Variants in HMBOX1 observed in about 807,000 individuals in gnomAD.
The protein encoded by HMBOX1 is homeobox containing 1.
In HMBOX1, 14 loss-of-function variants were observed where a neutral mutation model predicts 54.5. The observed-to-expected ratio is 0.26, with a 90% confidence interval of 0.17 to 0.40. The LOEUF (loss-of-function observed/expected upper bound fraction) is 0.40, where lower values mean the gene tolerates loss of function less well. Ranked by LOEUF, HMBOX1 falls within the 10% of genes least tolerant of loss-of-function variation. The probability of loss-of-function intolerance (pLI) is 1.00; values close to 1 mark genes in which losing one functional copy is unlikely to be tolerated. For synonymous variants in HMBOX1, 160 were observed against 181.0 expected (o/e 0.88, Z 0.93); for missense variants, 332 against 514.4 (o/e 0.65, Z 3.43).
chr8:29,051,445 C>A lies in HMBOX1; in HGVS notation c.*290C>A. 1 of 683,456 alleles carries A rather than the reference C, an allele frequency of 1.5e-6. No homozygotes were observed. Among genetic ancestry groups the A allele is most frequent in the Non-Finnish European group, 2.7e-6 (1 of 370,216 alleles). 42.3% of individuals were successfully genotyped at this position (683,456 alleles called of 1,614,324 possible). On this transcript the variant is annotated 3_prime_UTR_variant, in exon 10 of 10. Transcript: ENST00000287701. ...GTCTTAGCATTCCAAGAAAGTGCTT[C>A]CAGGTATTTAGATAGCCCTCAGTTC... is the stretch of plus-strand genomic sequence containing the variant.
At chr8:29,026,146 T>A (rs1801998473) in intron 6 of HMBOX1, among the ~76,000 whole-genome samples, 1 of 152,100 alleles carries the variant, frequency 6.6e-6, no homozygotes, top group South Asian at 2.1e-4. Flanking sequence ...AGCGTGTGTC[T>A]TGGTGCATCA....
chr8:28,979,765 A>G (rs553860744), intron 3 of HMBOX1, among the ~76,000 whole-genome samples: 2 of 152,302 alleles, frequency 1.3e-5, no homozygotes, highest in East Asian at 3.9e-4. Context: ...TGTATATACC[A>G]TATGACAGCC....
chr8:29,023,425 C>T (rs1001996356), intron 6 of HMBOX1, among the ~76,000 whole-genome samples: 3 of 152,056 alleles, frequency 2.0e-5, no homozygotes, highest in Non-Finnish European at 4.4e-5. Context: ...CTTTTTGAGA[C>T]AGGGTCTTGC....
At chr8:28,932,092 A>T (rs1819568981) in intron 1 of HMBOX1, among the ~76,000 whole-genome samples, 2 of 152,214 alleles carry the variant, frequency 1.3e-5, no homozygotes, top group South Asian at 4.1e-4. Flanking sequence ...TTAAACTAGT[A>T]CCTGAGTAAT....
chr8:28,999,328 C>A (rs1292949432), intron 4 of HMBOX1, among the ~76,000 whole-genome samples: 1 of 152,118 alleles, frequency 6.6e-6, no homozygotes, highest in Non-Finnish European at 1.5e-5. Flanking sequence ...TTCTGTTGAT[C>A]TTTGGTTTTC....
intron 6 of HMBOX1, among the ~76,000 whole-genome samples, chr8:29,033,939 T>C (rs181657847): frequency 6.6e-6 from 1 of 152,342 alleles, no homozygotes; most frequent in East Asian, 1.9e-4. Context: ...CACAGAAAAC[T>C]AGTGAGCCTT....
At chr8:28,940,221 G>A (rs898482897) in intron 1 of HMBOX1, among the ~76,000 whole-genome samples, 4 of 152,050 alleles carry the variant, frequency 2.6e-5, no homozygotes, top group Non-Finnish European at 5.9e-5. Context: ...TGGTCAGGCT[G>A]GTCTTGAACT....
chr8:28,938,704 C>T (rs755173623), intron 1 of HMBOX1, among the ~76,000 whole-genome samples: 21 of 151,928 alleles, frequency 1.4e-4, no homozygotes, highest in Non-Finnish European at 3.1e-4. Context: ...CTGCCTTGGC[C>T]TCCCAGAGTG....
chr8:28,925,372 C>G (rs1357329619), intron 1 of HMBOX1, among the ~76,000 whole-genome samples: 1 of 151,728 alleles, frequency 6.6e-6, no homozygotes, highest in East Asian at 1.9e-4. Flanking sequence ...TGTTTTTTTT[C>G]TTCAGGGTGT....
At chr8:28,936,776 C>A (rs190821272) in intron 1 of HMBOX1, among the ~76,000 whole-genome samples, 390 of 145,352 alleles carry the variant, frequency 2.7e-3, no homozygotes, top group Non-Finnish European at 4.1e-3. Context: ...TTTTTTCCAT[C>A]AAGGGCCACT....
intron 6 of HMBOX1, among the ~76,000 whole-genome samples, chr8:29,032,842 A>G (rs1175770407): frequency 6.6e-6 from 1 of 152,220 alleles, no homozygotes; most frequent in African/African-American, 2.4e-5. Flanking sequence ...CGTACATGTT[A>G]GACTCAAGGT....
At chr8:28,895,325 C>T in intron 1 of HMBOX1, among the ~76,000 whole-genome samples, 1 of 152,168 alleles carries the variant, frequency 6.6e-6, no homozygotes, top group Admixed American at 6.5e-5. Context: ...AAGTGAAATG[C>T]TGTGGGTACT....
chr8:28,919,393 G>C (rs998587800), intron 1 of HMBOX1, among the ~76,000 whole-genome samples: 2 of 152,122 alleles, frequency 1.3e-5, no homozygotes, highest in African/African-American at 4.8e-5. Context: ...AATTTTGACT[G>C]CATAAAATGA....
intron 1 of HMBOX1, among the ~76,000 whole-genome samples, chr8:28,946,226 T>G (rs1200116994): frequency 6.6e-6 from 1 of 152,008 alleles, no homozygotes; most frequent in Non-Finnish European, 1.5e-5. Flanking sequence ...GTGCTGGGAT[T>G]ACAGGTGTGA....
chr8:28,964,652 C>T (rs1563481669), intron 2 of HMBOX1, among the ~76,000 whole-genome samples: 1 of 152,002 alleles, frequency 6.6e-6, no homozygotes. Flanking sequence ...TTTTGGTTGA[C>T]AGTTCTATAA....
rs1004894211 is a variant in HMBOX1, at chr8:28,952,979, C to G, written c.-57-10832C>G. ...GGTGAAGCCTACTATAGCAGAACTA[C>G]AGTTCTGCTAAGACAAGGGAAGTCC... On this transcript the variant is annotated intron_variant, in intron 1 of 9. Coordinates refer to ENST00000287701, the MANE Select transcript of HMBOX1 (RefSeq NM_001135726.3). Among the ~76,000 whole-genome samples the G allele has an allele frequency of 4.6e-5, 7 of 152,182 alleles. No homozygotes were observed. The South Asian group carries it at 6.2e-4, about 13-fold the overall frequency.
chr8:28,950,754 A>G (rs1027098040), intron 1 of HMBOX1, among the ~76,000 whole-genome samples: 1 of 152,212 alleles, frequency 6.6e-6, no homozygotes, highest in Non-Finnish European at 1.5e-5. Context: ...CTTCTCTGAC[A>G]TTTCCTAGCA....
At chr8:28,947,195 C>T (rs1006458229) in intron 1 of HMBOX1, among the ~76,000 whole-genome samples, 1 of 151,928 alleles carries the variant, frequency 6.6e-6, no homozygotes, top group Admixed American at 6.6e-5. Flanking sequence ...AATGTGAGGC[C>T]CTAAAATAAC....
intron 1 of HMBOX1, among the ~76,000 whole-genome samples, chr8:28,927,195 T>C (rs1253786322): frequency 6.6e-6 from 1 of 152,236 alleles, no homozygotes; most frequent in African/African-American, 2.4e-5. Flanking sequence ...CCATTTATGC[T>C]GATGTGATTA....
Sources: gnomAD v4.1 joint callset for allele counts (sites outside exome capture counted in the v4.1 genomes callset) on GRCh38, gnomAD v4.1.1 for gene constraint, MANE v1.5 for transcripts, NCBI Gene and HGNC (gene_info 2026-07-23, HGNC 2026-07-21) for gene names.